Variants in PALM2AKAP2 observed in about 807,000 individuals in gnomAD.
PALM2AKAP2 encodes PALM2-AKAP2 fusion protein.
PALM2AKAP2 carries 37 observed loss-of-function variants against 71.5 expected under a neutral mutation model. The observed-to-expected ratio is 0.52, with a 90% confidence interval of 0.40 to 0.68. PALM2AKAP2 has a LOEUF of 0.68. Ranked by LOEUF, PALM2AKAP2 falls within the 30% of genes least tolerant of loss-of-function variation. The pLI is 0.00. For missense variants in PALM2AKAP2, 1,224 were observed against 1,191.8 expected, an observed-to-expected ratio of 1.03 and a Z score of -0.40; for synonymous variants, 468 against 478.8, an observed-to-expected ratio of 0.98 and a Z score of 0.29.
chr9:109,643,777 G>A (rs539544450), intron 1 of PALM2AKAP2, among the ~76,000 whole-genome samples: 1 of 152,172 alleles, frequency 6.6e-6, no homozygotes, highest in African/African-American at 2.4e-5. Context: ...CTTCCTTAAT[G>A]TATTAGGCTG....
intron 3 of PALM2AKAP2, among the ~76,000 whole-genome samples, chr9:109,912,127 A>C (rs537692971): frequency 6.6e-6 from 1 of 152,168 alleles, no homozygotes; most frequent in African/African-American, 2.4e-5. Context: ...ACAGGAAGGC[A>C]TAAGGCTGGA....
chr9:109,941,606 C>T (rs772423767), intron 6 of PALM2AKAP2, among the ~76,000 whole-genome samples: 18 of 152,208 alleles, frequency 1.2e-4, no homozygotes, highest in Non-Finnish European at 1.8e-4. Flanking sequence ...GTTCGTGGCA[C>T]ATCCAGATAA....
intron 6 of PALM2AKAP2, among the ~76,000 whole-genome samples, chr9:109,976,252 A>G (rs1832171027): frequency 6.6e-6 from 1 of 152,254 alleles, no homozygotes; most frequent in African/African-American, 2.4e-5. Flanking sequence ...GCCAAGTACT[A>G]TCATTAGCAG....
rs938090826 is a variant in PALM2AKAP2 at position 109,942,754 on chromosome 9, T to A, written c.496+10726T>A. ...AGGAGAGACCAAGATTCTCTCTACA[T>A]CTACCATTGGCCCAGAGGGGGTCCA... On this transcript the variant is annotated intron_variant, in intron 6 of 9. Transcript: ENST00000302798. The A allele has an allele frequency of 4.3e-6, 7 of 1,613,566 alleles. No individual in the cohort carries two copies. In the African/African-American group the frequency reaches 9.4e-5, roughly 22 times the overall value.
chr9:109,745,487 AGTGTGTGTGT>A (rs199950779), intron 1 of PALM2AKAP2, among the ~76,000 whole-genome samples: 2 of 146,916 alleles, frequency 1.4e-5, no homozygotes, highest in Non-Finnish European at 3.0e-5. Context: ...AGTGGCTGTC[AGTGTGTGTGT>A]GTGTGTGTGT....
intron 7 of PALM2AKAP2, 51 bp downstream of exon 7, chr9:110,016,090 G>A (rs751795275): frequency 1.9e-6 from 3 of 1,555,160 alleles, no homozygotes; most frequent in South Asian, 1.1e-5. Context: ...TAGAGTAAAG[G>A]CAGCCGATGG....
intron 1 of PALM2AKAP2, among the ~76,000 whole-genome samples, chr9:109,710,805 C>T (rs950115730): frequency 5.3e-5 from 8 of 152,142 alleles, no homozygotes; most frequent in African/African-American, 1.9e-4. Context: ...ATGTTTGGAG[C>T]CTCTTGAAAT....
chr9:109,911,503 T>C (rs893341542), intron 3 of PALM2AKAP2, among the ~76,000 whole-genome samples: 4 of 152,234 alleles, frequency 2.6e-5, no homozygotes, highest in African/African-American at 9.6e-5. Flanking sequence ...TGGGCTTCAA[T>C]ATGATTACAT....
At chr9:110,073,570 T>C (rs73657335) in intron 1 of PALM2AKAP2, among the ~76,000 whole-genome samples, 9,846 of 152,246 alleles carry the variant, frequency 0.065, 1,023 homozygotes, top group African/African-American at 0.22. Context: ...AAGCCAGCTC[T>C]GAGGATATAT....
rs140377534 is a variant in PALM2AKAP2, at chr9:109,983,595, G to A, written c.497-32359G>A. On this transcript the variant is annotated intron_variant, in intron 6 of 9. Transcript: ENST00000302798. Reference sequence around the variant, plus strand: ...AAACATGTAAGATCTGGCTGGGTGCGGTCTCATGCCTTCAATCCCAGCACT... The same window carrying A: ...AAACATGTAAGATCTGGCTGGGTGCAGTCTCATGCCTTCAATCCCAGCACT... Among the ~76,000 whole-genome samples the A allele has an allele frequency of 2.0e-3, 300 of 152,130 alleles. 1 individual carries two copies. The highest frequency in any genetic ancestry group is 6.5e-3 in the African/African-American group (269 of 41,486).
chr9:110,093,267 T>C (rs1027318173), intron 1 of PALM2AKAP2, among the ~76,000 whole-genome samples: 3 of 152,168 alleles, frequency 2.0e-5, no homozygotes, highest in African/African-American at 7.2e-5. Context: ...GCTTATGAGA[T>C]GACAACTGTT....
chr9:109,728,339 C>T (rs1222821179), intron 1 of PALM2AKAP2, among the ~76,000 whole-genome samples: 1 of 152,238 alleles, frequency 6.6e-6, no homozygotes, highest in African/African-American at 2.4e-5. Context: ...CCTTGCCTTA[C>T]ATCTCATAGT....
intron 1 of PALM2AKAP2, among the ~76,000 whole-genome samples, chr9:109,696,541 A>T (rs1827973120): frequency 6.6e-6 from 1 of 152,200 alleles, no homozygotes; most frequent in Non-Finnish European, 1.5e-5. Context: ...CAGAATTTTA[A>T]AGTTTATAGC....
chr9:109,669,254 T>G (rs1827538200), intron 1 of PALM2AKAP2, among the ~76,000 whole-genome samples: 1 of 141,994 alleles, frequency 7.0e-6, no homozygotes, highest in African/African-American at 2.9e-5. Flanking sequence ...TGAAAGTGTT[T>G]TTTTTGTTTT....
At chr9:110,099,543 C>T (rs1309891671) in intron 1 of PALM2AKAP2, among the ~76,000 whole-genome samples, 2 of 152,152 alleles carry the variant, frequency 1.3e-5, no homozygotes, top group Non-Finnish European at 1.5e-5. Flanking sequence ...ACTTGAAGCA[C>T]GTTTTCTTTC....
intron 1 of PALM2AKAP2, among the ~76,000 whole-genome samples, chr9:109,788,109 C>T (rs999708545): frequency 6.6e-6 from 1 of 152,184 alleles, no homozygotes; most frequent in African/African-American, 2.4e-5. Context: ...AGAATACTCA[C>T]ATCTAGATAG....
exon 4 of PALM2AKAP2, chr9:110,170,099 AG>A (rs1195370230): frequency 6.6e-6 from 1 of 152,488 alleles, no homozygotes; most frequent in Non-Finnish European, 1.5e-5. Context: ...TATACTATAG[AG>A]GATGCCAGCT....
At chr9:110,166,820 T>C (rs1385375702) in intron 3 of PALM2AKAP2, among the ~76,000 whole-genome samples, 2 of 152,216 alleles carry the variant, frequency 1.3e-5, no homozygotes, top group East Asian at 3.8e-4. Context: ...AATCTGCTTA[T>C]GTCTGGGCTC....
chr9:110,074,745 G>A (rs1019482113), intron 1 of PALM2AKAP2, among the ~76,000 whole-genome samples: 19 of 152,148 alleles, frequency 1.2e-4, no homozygotes, highest in African/African-American at 3.6e-4. Flanking sequence ...GTTCACGCCC[G>A]TAATCCCAGC....
Sources: allele counts gnomAD v4.1 joint callset (sites outside exome capture counted in the v4.1 genomes callset), GRCh38; gene constraint gnomAD v4.1.1; transcripts MANE v1.5; gene names NCBI Gene and HGNC (gene_info 2026-07-23, HGNC 2026-07-21).